The following RPL32 variants were observed in gnomAD, a reference collection of about 807,000 sequenced individuals.
The protein encoded by RPL32 is large ribosomal subunit protein eL32.
For missense variants in RPL32, 117 were observed against 173.7 expected, an observed-to-expected ratio of 0.67 and a Z score of 1.83; for synonymous variants, 61 against 62.6, an observed-to-expected ratio of 0.98 and a Z score of 0.12.
intron 3 of RPL32, among the ~76,000 whole-genome samples, chr3:12,837,759 T>TC (rs1438305181): frequency 6.6e-6 from 1 of 152,260 alleles, no homozygotes; most frequent in Non-Finnish European, 1.5e-5. Flanking sequence ...TCACACACAC[T>TC]CCATGTTCTT....
In RPL32 at chr3:12,839,398, A is replaced by G. The variant is rs568875178; in HGVS notation, c.229T>C (p.Phe77Leu). 6.2e-7 allele frequency: 1 copy of G among 1,614,134 alleles called. No individual in the cohort carries two copies. The highest frequency in any genetic ancestry group is 1.3e-5 in the African/African-American group (1 of 75,040). Residue 77 changes from phenylalanine to leucine, a missense_variant, in exon 3 of 4, where the codon TTC (phenylalanine) becomes CTC (leucine). Coordinates refer to ENST00000429711, the MANE Select transcript of RPL32 (RefSeq NM_000994.4). ...AGCTCCTTGACGTTGTGGACCAGGAACTTCCGGAAGCCACTGGGCAGCATG... is the reference window on the plus strand; with the variant it reads ...AGCTCCTTGACGTTGTGGACCAGGAGCTTCCGGAAGCCACTGGGCAGCATG... ...KHMLPSGFRK[F>L]LVHNVKELEV...
chr3:12,836,967 A>C (rs951571020), intron 3 of RPL32, among the ~76,000 whole-genome samples: 3 of 152,260 alleles, frequency 2.0e-5, no homozygotes, highest in African/African-American at 7.2e-5. Context: ...GTGGACACAC[A>C]GCTCTTTTCA....
At position 12,836,021 on chromosome 3, in the gene RPL32, TAAAATC is replaced by T. The variant is rs1350464044; in HGVS notation, c.*67_*72del. ...TAAGTTGGCCAAGAAGCTGAAGACT[TAAAATC>T]AAGGAAGGAAGATGCCAGATGGCAG... On this transcript the variant is annotated 3_prime_UTR_variant, in exon 4 of 4. Coordinates refer to ENST00000429711, the MANE Select transcript of RPL32 (RefSeq NM_000994.4). The T allele has an allele frequency of 2.5e-6, 4 of 1,576,898 alleles. No homozygotes were observed. The highest frequency in any genetic ancestry group is 2.6e-6 in the Non-Finnish European group (3 of 1,158,666).
At chr3:12,839,041 AAAC>A (rs1273226430) in intron 3 of RPL32, 3 of 433,236 alleles carry the variant, frequency 6.9e-6, no homozygotes, top group East Asian at 9.2e-5. Flanking sequence ...AACATTTTGG[AAAC>A]AACAGCCAAA....
Position 12,835,900 on chromosome 3 carries a change from C to T in RPL32, c.*194G>A. 1.6e-6 allele frequency: 1 copy of T among 634,794 alleles called. No individual in the cohort carries two copies. Among genetic ancestry groups the T allele is most frequent in the Non-Finnish European group, 2.7e-6 (1 of 376,092 alleles). 39.3% of individuals were successfully genotyped at this position (634,794 alleles called of 1,614,324 possible). A position where few individuals can be genotyped will look rare whatever the true frequency, so the allele number is the denominator to read the frequency against. On this transcript the variant is annotated 3_prime_UTR_variant, in exon 4 of 4. Coordinates refer to ENST00000429711, the MANE Select transcript of RPL32 (RefSeq NM_000994.4). The stretch of plus-strand genomic sequence containing the variant: ...AGGCTAGTCTGTGCACTTGAGGCCA[C>T]ATTCCCCTGTTCAAGGACTGAGTGT...
chr3:12,841,568 T>G (rs1396518625), upstream of RPL32: 1 of 152,184 alleles, frequency 6.6e-6, no homozygotes, highest in African/African-American at 2.4e-5. Flanking sequence ...CAAGGGCTGA[T>G]GGGTCGTAAC....
chr3:12,835,865 G>A lies in RPL32; in HGVS notation c.*229C>T, dbSNP rs2062095263. The A allele has an allele frequency of 1.9e-6, 1 of 530,786 alleles. No homozygotes were observed. Among genetic ancestry groups the A allele is most frequent in the East Asian group, 3.4e-5 (1 of 29,360 alleles). The allele number at this position is 530,786 out of a possible 1,614,324, so 32.9% of individuals were successfully genotyped here. On this transcript the variant is annotated 3_prime_UTR_variant, in exon 4 of 4. Coordinates refer to ENST00000429711, the MANE Select transcript of RPL32 (RefSeq NM_000994.4). Reference sequence around the variant, plus strand: ...TACCCCTCATACCCAGCCTCAACTGGAGATGACTAAGGCTAGTCTGTGCAC... The same window carrying A: ...TACCCCTCATACCCAGCCTCAACTGAAGATGACTAAGGCTAGTCTGTGCAC...
intron 2 of RPL32, 74 bp from the exon 3 acceptor site, chr3:12,839,604 A>G: frequency 7.1e-7 from 1 of 1,416,012 alleles, no homozygotes; most frequent in Non-Finnish European, 1.0e-6. Context: ...AGGGAAAAAA[A>G]GGACCAAATG....
At chr3:12,839,001 T>C (rs2062123867) in intron 3 of RPL32, 3 of 353,794 alleles carry the variant, frequency 8.5e-6, no homozygotes, top group Non-Finnish European at 1.6e-5. Context: ...AGAGTTCAAC[T>C]CTTTTGCTTG....
Position 12,839,294 on chromosome 3 carries a change from C to G in RPL32, c.278+55G>C. 21 of 1,532,112 alleles carry G rather than the reference C, an allele frequency of 1.4e-5. 1 individual carries two copies. The South Asian group carries it at 2.4e-4, about 17-fold the overall frequency. 94.9% of individuals were successfully genotyped at this position (1,532,112 alleles called of 1,614,324 possible). On this transcript the variant is annotated intron_variant, in intron 3 of 3. Coordinates refer to ENST00000429711, the MANE Select transcript of RPL32 (RefSeq NM_000994.4). ...GTTTGTAGAGTTCCTGCCAGAAGTG[C>G]TCACACAGATGCAAACTTCTGATCA... is the stretch of plus-strand genomic sequence containing the variant.
chr3:12,836,896 C>T (rs2062104540), intron 3 of RPL32, among the ~76,000 whole-genome samples: 2 of 152,132 alleles, frequency 1.3e-5, no homozygotes, highest in African/African-American at 4.8e-5. Flanking sequence ...ACAGACATTC[C>T]ACCCCTAAAG....
In RPL32 at chr3:12,840,399, T is replaced by C. The variant is rs772144052; in HGVS notation, c.-5-157A>G. 1.9e-5 allele frequency: 14 copies of C among 749,610 alleles called. No individual in the cohort carries two copies. In the Admixed American group the frequency reaches 2.4e-4, roughly 13 times the overall value. The allele number at this position is 749,610 out of a possible 1,614,324, so 46.4% of individuals were successfully genotyped here. ...TCTGCCAGGCTTGCTTTCCCTCCCT[T>C]TCCGAAGCTGGCAGAATACTAGGCA... On this transcript the variant is annotated intron_variant, in intron 1 of 3. Transcript: ENST00000429711.
chr3:12,835,915 G>A lies in RPL32; in HGVS notation c.*179C>T. ...CTTGAGGCCACATTCCCCTGTTCAA[G>A]GACTGAGTGTCCTTTACAAATCCCC... On this transcript the variant is annotated 3_prime_UTR_variant, in exon 4 of 4. Coordinates refer to ENST00000429711, the MANE Select transcript of RPL32 (RefSeq NM_000994.4). 2 of 693,404 alleles carry A rather than the reference G, an allele frequency of 2.9e-6. No individual in the cohort carries two copies. The highest frequency in any genetic ancestry group is 3.8e-5 in the South Asian group (2 of 53,280). 43.0% of individuals were successfully genotyped at this position (693,404 alleles called of 1,614,324 possible). A position where few individuals can be genotyped will look rare whatever the true frequency, so the allele number is the denominator to read the frequency against.
chr3:12,837,237 G>A (rs3773306), intron 3 of RPL32, among the ~76,000 whole-genome samples: 17 of 151,926 alleles, frequency 1.1e-4, no homozygotes, highest in Non-Finnish European at 2.1e-4. Context: ...TACAACACTC[G>A]AATCATTTTG....
In RPL32 at chr3:12,836,173, G is replaced by T; in HGVS notation, c.329C>A (p.Ala110Asp). ...AHNVSSKNRK[A>D]IVERAAQLAI... ...CAGTTGGGCAGCTCTTTCCACGATG[G>T]CTTTGCGGTTCTTGGAGGAAACATT... The change falls in exon 4 of 4, where the codon GCC becomes GAC. Residue 110 changes from alanine (A) to aspartate (D), a missense_variant. Coordinates refer to ENST00000429711, the MANE Select transcript of RPL32 (RefSeq NM_000994.4). 1 of 1,603,766 alleles carries T rather than the reference G, an allele frequency of 6.2e-7. No homozygotes were observed.
chr3:12,841,156 G>C (rs1222172907), intron 1 of RPL32: 1 of 152,326 alleles, frequency 6.6e-6, no homozygotes, highest in African/African-American at 2.4e-5. Flanking sequence ...GGTGAGCGCT[G>C]GGATCCACAG....
intron 3 of RPL32, among the ~76,000 whole-genome samples, chr3:12,838,461 G>T (rs546432206): frequency 6.0e-4 from 92 of 152,228 alleles, no homozygotes; most frequent in Non-Finnish European, 1.0e-3. Context: ...AACCCTCCAT[G>T]TGCTTTCACC....
chr3:12,839,183 A>G (rs1045575364), intron 3 of RPL32, 166 bp downstream of exon 3: 2 of 660,956 alleles, frequency 3.0e-6, no homozygotes, highest in Non-Finnish European at 2.7e-6. Context: ...GAATTCCCCA[A>G]CAAGCATTCT....
rs2062093037 is a variant in RPL32 at position 12,835,543 on chromosome 3, G to T, written c.*551C>A. 6.4e-6 allele frequency: 1 copy of T among 156,048 alleles called. No individual in the cohort carries two copies. The highest frequency in any genetic ancestry group is 1.4e-5 in the Non-Finnish European group (1 of 70,488). The allele number at this position is 156,048 out of a possible 1,614,324, so 9.7% of individuals were successfully genotyped here. A position where few individuals can be genotyped will look rare whatever the true frequency, so the allele number is the denominator to read the frequency against. ...GCAGCAGCTGGTGGGAGGGTTATAG[G>T]AGACTGAAAGTGCTTTTCCAGTTAA... On this transcript the variant is annotated 3_prime_UTR_variant, in exon 4 of 4. Coordinates refer to ENST00000429711, the MANE Select transcript of RPL32 (RefSeq NM_000994.4).
Sources: allele counts gnomAD v4.1 joint callset (sites outside exome capture counted in the v4.1 genomes callset), GRCh38; gene constraint gnomAD v4.1.1; transcripts MANE v1.5; gene names NCBI Gene and HGNC (gene_info 2026-07-23, HGNC 2026-07-21).